TAGLN3: variants seen among roughly 807,000 people sequenced by gnomAD.
The protein encoded by TAGLN3 is transgelin-3.
TAGLN3 carries 12 observed loss-of-function variants against 25.4 expected under a neutral mutation model. The ratio of observed to expected loss-of-function variants is 0.47; its 90% CI spans 0.30 to 0.77. TAGLN3 has a LOEUF of 0.77. TAGLN3 is among the 30% of genes least tolerant of loss of function. TAGLN3 has a pLI of 0.06. For synonymous variants in TAGLN3, 96 were observed against 94.8 expected (o/e 1.01, Z -0.08); for missense variants, 218 against 255.8 (o/e 0.85, Z 1.01).
rs754421951 is a variant in TAGLN3 at position 112,013,656 on chromosome 3, C to A, written c.*105C>A. 27 of 1,532,264 alleles carry A rather than the reference C, an allele frequency of 1.8e-5. No individual in the cohort carries two copies. Among genetic ancestry groups the A allele is most frequent in the Non-Finnish European group, 2.3e-5 (26 of 1,125,488 alleles). The allele number at this position is 1,532,264 out of a possible 1,614,324, so 94.9% of individuals were successfully genotyped here. On this transcript the variant is annotated 3_prime_UTR_variant, in exon 5 of 5. Transcript: ENST00000478951. The stretch of plus-strand genomic sequence containing the variant: ...TCTGACCTTCTCCTCTTTCTCAAAG[C>A]CTTCTGTCCCTGGTTTTTGCAAGTG...
chr3:111,999,372 C>G lies in TAGLN3; in HGVS notation c.-2-49C>G, dbSNP rs745810644. On this transcript the variant is annotated intron_variant, in intron 1 of 4. Transcript: ENST00000478951. ...CCCGTCTGCAGGGAGCCGGAGGCTG[C>G]TGCTGCTGCTATTGTGTGGATGCCG... 5.0e-6 allele frequency: 8 copies of G among 1,590,954 alleles called. No individual in the cohort carries two copies. The African/African-American group carries it at 1.1e-4, about 21-fold the overall frequency.
intron 4 of TAGLN3, among the ~76,000 whole-genome samples, chr3:112,012,390 A>C (rs979487577): frequency 5.3e-5 from 8 of 151,574 alleles, no homozygotes; most frequent in African/African-American, 1.9e-4. Flanking sequence ...ATGTTGTCCC[A>C]GTATATCTAT....
At chr3:112,012,311 T>G (rs1002137512) in intron 4 of TAGLN3, among the ~76,000 whole-genome samples, 4 of 141,492 alleles carry the variant, frequency 2.8e-5, no homozygotes, top group Non-Finnish European at 6.1e-5. Flanking sequence ...TCCTTCCTTC[T>G]TTTTTGTTTG....
intron 3 of TAGLN3, among the ~76,000 whole-genome samples, chr3:112,009,621 G>A (rs935326351): frequency 3.7e-4 from 56 of 152,278 alleles, no homozygotes; most frequent in African/African-American, 1.3e-3. Context: ...GTGACTCTGG[G>A]CATGTTAATT....
At chr3:112,006,600 A>G (rs181854044) in intron 3 of TAGLN3, among the ~76,000 whole-genome samples, 1 of 152,354 alleles carries the variant, frequency 6.6e-6, no homozygotes, top group Non-Finnish European at 1.5e-5. Context: ...ACTGATATAT[A>G]ATAGAAGTAT....
At chr3:112,007,178 G>A (rs771125872) in intron 3 of TAGLN3, among the ~76,000 whole-genome samples, 2 of 152,108 alleles carry the variant, frequency 1.3e-5, no homozygotes, top group Non-Finnish European at 2.9e-5. Flanking sequence ...CCCCACAAAT[G>A]CACAGCCTTC....
intron 1 of TAGLN3, 127 bp from the exon 2 acceptor site, chr3:111,999,294 G>T: frequency 9.2e-7 from 1 of 1,090,750 alleles, no homozygotes. Context: ...ACCACGCCCG[G>T]CTTTCTGCCC....
Position 112,001,048 on chromosome 3 carries a change from T to G in TAGLN3, c.355+102T>G, listed in dbSNP as rs113314810. 2.4e-3 allele frequency: 2,435 copies of G among 1,020,456 alleles called. 48 individuals carry two copies. The African/African-American group carries it at 0.035, about 15-fold the overall frequency. 63.2% of individuals were successfully genotyped at this position (1,020,456 alleles called of 1,614,324 possible). A position where few individuals can be genotyped will look rare whatever the true frequency, so the allele number is the denominator to read the frequency against. ...GTGTTCTTCCCTGTGCCGATTGATG[T>G]GTGTAAGATGCTCTCAGCTGTTATC... is the stretch of plus-strand genomic sequence containing the variant. On this transcript the variant is annotated intron_variant, in intron 3 of 4. Transcript: ENST00000478951.
intron 2 of TAGLN3, among the ~76,000 whole-genome samples, chr3:112,000,362 G>T (rs955277182): frequency 5.3e-5 from 8 of 152,188 alleles, no homozygotes; most frequent in African/African-American, 1.7e-4. Flanking sequence ...TTTGATAGAA[G>T]AAATAATATT....
chr3:111,999,332 C>T, intron 1 of TAGLN3, 89 bp from the exon 2 acceptor site: 1 of 1,462,882 alleles, frequency 6.8e-7, no homozygotes, highest in Non-Finnish European at 9.1e-7. Context: ...CCAGGTTGCC[C>T]AGCCATATCC....
chr3:112,000,222 CA>C (rs2072840424), intron 2 of TAGLN3, among the ~76,000 whole-genome samples: 1 of 152,278 alleles, frequency 6.6e-6, no homozygotes, highest in East Asian at 1.9e-4. Flanking sequence ...AACTGCTATC[CA>C]ATGCTTCTGC....
At chr3:112,002,643 T>TCCC (rs56092285) in intron 3 of TAGLN3, among the ~76,000 whole-genome samples, 3 of 142,054 alleles carry the variant, frequency 2.1e-5, no homozygotes, top group Non-Finnish European at 4.6e-5. Context: ...CCCGGGTGAG[T>TCCC]CCCCCCCCCA....
intron 3 of TAGLN3, among the ~76,000 whole-genome samples, chr3:112,011,348 G>T (rs1309233515): frequency 6.6e-6 from 1 of 152,168 alleles, no homozygotes; most frequent in Non-Finnish European, 1.5e-5. Context: ...CCATTTAGCT[G>T]TTTTCAAGCG....
rs112929808 is a variant in TAGLN3 at position 112,013,799 on chromosome 3, A to ATTATTTATTTAT, written c.*263_*274dup. ...CCTCGGGCCCCAGAGTCTCTGTTTG[A>ATTATTTATTTAT]TTATTTATTTATTTATTTATTTATT... On this transcript the variant is annotated 3_prime_UTR_variant, in exon 5 of 5. Transcript: ENST00000478951. 1.7e-3 allele frequency: 880 copies of ATTATTTATTTAT among 511,182 alleles called. 13 individuals carry two copies. Among genetic ancestry groups the ATTATTTATTTAT allele is most frequent in the African/African-American group, 0.016 (816 of 50,790 alleles). 31.7% of individuals were successfully genotyped at this position (511,182 alleles called of 1,614,324 possible). A position where few individuals can be genotyped will look rare whatever the true frequency, so the allele number is the denominator to read the frequency against.
chr3:112,008,359 G>C (rs1319026355), intron 3 of TAGLN3, among the ~76,000 whole-genome samples: 1 of 152,082 alleles, frequency 6.6e-6, no homozygotes, highest in Non-Finnish European at 1.5e-5. Context: ...CTGTTGCCCA[G>C]GCTGGAGTGC....
chr3:112,011,984 C>A (rs2107725776), intron 4 of TAGLN3, 119 bp downstream of exon 4: 1 of 844,338 alleles, frequency 1.2e-6, no homozygotes, highest in Non-Finnish European at 1.8e-6. Flanking sequence ...GCACTGCTGT[C>A]TCCACAACTG....
chr3:112,004,515 C>T (rs922933209), intron 3 of TAGLN3, among the ~76,000 whole-genome samples: 1 of 152,160 alleles, frequency 6.6e-6, no homozygotes, highest in African/African-American at 2.4e-5. Flanking sequence ...AGTACAGGCT[C>T]CTGAGTCAGA....
chr3:112,011,957 C>A (rs2072981731), intron 4 of TAGLN3, 92 bp downstream of exon 4: 4 of 1,185,920 alleles, frequency 3.4e-6, no homozygotes, highest in Non-Finnish European at 4.7e-6. Context: ...GCTTTATGTG[C>A]AAAGCCCCAG....
At chr3:112,009,032 C>T (rs1301468037) in intron 3 of TAGLN3, among the ~76,000 whole-genome samples, 3 of 152,072 alleles carry the variant, frequency 2.0e-5, no homozygotes, top group Non-Finnish European at 4.4e-5. Context: ...GAGCAAGAGA[C>T]AGAAAGTAAA....
Sources: allele counts gnomAD v4.1 joint callset (sites outside exome capture counted in the v4.1 genomes callset), GRCh38; gene constraint gnomAD v4.1.1; transcripts MANE v1.5; gene names NCBI Gene and HGNC (gene_info 2026-07-23, HGNC 2026-07-21).